Variants in TENM3 observed in about 807,000 individuals in gnomAD.
TENM3 encodes teneurin-3.
In TENM3, 63 loss-of-function variants were observed where a neutral mutation model predicts 255.1. That is an observed-to-expected ratio of 0.25 (90% CI 0.20 to 0.30). TENM3 has a LOEUF of 0.30. TENM3 is among the 10% of genes least tolerant of loss of function. The probability of loss-of-function intolerance (pLI) is 1.00; values close to 1 mark genes in which losing one functional copy is unlikely to be tolerated. For synonymous variants in TENM3, 1,306 were observed against 1,322.3 expected (o/e 0.99, Z 0.27); for missense variants, 2,929 against 3,461.1 (o/e 0.85, Z 3.86).
At chr4:182,721,378 T>C (rs1759718100) in intron 13 of TENM3, among the ~76,000 whole-genome samples, 2 of 152,206 alleles carry the variant, frequency 1.3e-5, no homozygotes, top group Admixed American at 6.5e-5. Flanking sequence ...AAGGACGATA[T>C]CTTAGAGATT....
At chr4:181,710,558 A>G in the TENM3 span, among the ~76,000 whole-genome samples, 6 of 151,968 alleles carry the variant, frequency 3.9e-5, no homozygotes, top group African/African-American at 1.2e-4. Flanking sequence ...TCTACTAAAA[A>G]CGCAAAAATT....
the TENM3 span, among the ~76,000 whole-genome samples, chr4:182,123,746 C>T: frequency 0.095 from 14,437 of 152,156 alleles, 938 homozygotes; most frequent in South Asian, 0.15. Flanking sequence ...ACGAAGTGAG[C>T]ACACGCTGTT....
chr4:181,724,653 T>A, the TENM3 span, among the ~76,000 whole-genome samples: 1 of 152,214 alleles, frequency 6.6e-6, no homozygotes, highest in Non-Finnish European at 1.5e-5. Flanking sequence ...AGTTTTGATC[T>A]CTGTCTTCTA....
the TENM3 span, among the ~76,000 whole-genome samples, chr4:181,643,919 A>C: frequency 1.3e-5 from 2 of 152,000 alleles, no homozygotes; most frequent in Admixed American, 6.6e-5. Context: ...TCTACTAAAA[A>C]TACAAAAATT....
chr4:182,783,933 T>C (rs1360746724), intron 24 of TENM3, among the ~76,000 whole-genome samples: 1 of 152,144 alleles, frequency 6.6e-6, no homozygotes, highest in Non-Finnish European at 1.5e-5. Context: ...TTCTCTGTAT[T>C]GGTTATTCTA....
intron 4 of TENM3, among the ~76,000 whole-genome samples, chr4:182,617,817 G>T (rs1470800252): frequency 6.6e-6 from 1 of 152,192 alleles, no homozygotes; most frequent in Non-Finnish European, 1.5e-5. Flanking sequence ...TAATGTAAAT[G>T]ATTCTCTTTG....
chr4:182,001,650 A>G, the TENM3 span, among the ~76,000 whole-genome samples: 10 of 152,216 alleles, frequency 6.6e-5, no homozygotes, highest in East Asian at 1.9e-3. Flanking sequence ...ATATAATCAC[A>G]CTGGCAGGTA....
the TENM3 span, among the ~76,000 whole-genome samples, chr4:181,675,926 T>A: frequency 6.6e-6 from 1 of 152,098 alleles, no homozygotes; most frequent in Non-Finnish European, 1.5e-5. Flanking sequence ...GGAAATATTT[T>A]ATGCAAAAAA....
At chr4:182,097,506 A>G in the TENM3 span, among the ~76,000 whole-genome samples, 2 of 152,188 alleles carry the variant, frequency 1.3e-5, no homozygotes, top group Non-Finnish European at 2.9e-5. Context: ...ATAGGTCCCT[A>G]TGCAGTGCTT....
the TENM3 span, among the ~76,000 whole-genome samples, chr4:182,059,073 G>A: frequency 7.5e-4 from 114 of 151,840 alleles, no homozygotes; most frequent in Admixed American, 4.3e-3. Flanking sequence ...AAGGAGAGGC[G>A]GATGTGAAGA....
Position 182,208,819 on chromosome 4 carries a change from C to T in TENM3, c.-76+64065C>T, listed in dbSNP as rs190349888. On this transcript the variant is annotated intron_variant, in intron 1 of 2. Coordinates refer to the TENM3 transcript ENST00000512480. ...AGACTCCACCAGAGGTTCTCAGGCT[C>T]ATCTGATCAAACCTGTGCTTGCCTC... Among the ~76,000 whole-genome samples the T allele has an allele frequency of 5.9e-5, 9 of 152,288 alleles. No homozygotes were observed. In the East Asian group the frequency reaches 1.4e-3, roughly 23 times the overall value.
At chr4:181,707,909 A>G in the TENM3 span, among the ~76,000 whole-genome samples, 1 of 152,226 alleles carries the variant, frequency 6.6e-6, no homozygotes, top group East Asian at 1.9e-4. Context: ...AAGATAAATT[A>G]TGGAAAAAAT....
the TENM3 span, among the ~76,000 whole-genome samples, chr4:181,760,489 A>G: frequency 3.9e-5 from 6 of 152,160 alleles, no homozygotes; most frequent in Non-Finnish European, 8.8e-5. Context: ...CACAGAATTA[A>G]TTTTATACCT....
chr4:182,410,588 T>C lies in TENM3; in HGVS notation c.511+63659T>C, dbSNP rs979486768. Among the ~76,000 whole-genome samples, 55 of 152,230 alleles carry C rather than the reference T, an allele frequency of 3.6e-4. 1 individual carries two copies. The highest frequency in any genetic ancestry group is 5.9e-5 in the Non-Finnish European group (4 of 68,044). On this transcript the variant is annotated intron_variant, in intron 3 of 27. Transcript: ENST00000511685. ...TTGGGGCTTTCCAGTTACACCACAT[T>C]GCTGTAATTAATAGGAGTCACTTTT...
chr4:181,915,466 G>C, the TENM3 span, among the ~76,000 whole-genome samples: 1 of 152,068 alleles, frequency 6.6e-6, no homozygotes, highest in Non-Finnish European at 1.5e-5. Context: ...ATGGAGTTTT[G>C]ATAGAAAGAA....
At chr4:182,475,549 A>G (rs13135084) in intron 3 of TENM3, among the ~76,000 whole-genome samples, 31,712 of 152,108 alleles carry the variant, frequency 0.21, 3,642 homozygotes, top group Non-Finnish European at 0.26. Context: ...AAATGCCATA[A>G]TACTAGAGGA....
the TENM3 span, among the ~76,000 whole-genome samples, chr4:181,729,287 A>C: frequency 6.6e-6 from 1 of 152,186 alleles, no homozygotes; most frequent in Non-Finnish European, 1.5e-5. Context: ...GGTTCATTGA[A>C]GCTATGTGGA....
chr4:182,100,596 T>TAC, the TENM3 span, among the ~76,000 whole-genome samples: 1 of 31,834 alleles, frequency 3.1e-5, no homozygotes, highest in Non-Finnish European at 5.9e-5. Flanking sequence ...TACACATATA[T>TAC]ACACATATAT....
At chr4:181,471,435 A>G in the TENM3 span, among the ~76,000 whole-genome samples, 7 of 152,216 alleles carry the variant, frequency 4.6e-5, no homozygotes, top group South Asian at 2.1e-4. Context: ...AACTGGAGCC[A>G]TGTTCTCTTC....
Sources: gnomAD v4.1 joint callset for allele counts (sites outside exome capture counted in the v4.1 genomes callset) on GRCh38, gnomAD v4.1.1 for gene constraint, MANE v1.5 for transcripts, NCBI Gene and HGNC (gene_info 2026-07-23, HGNC 2026-07-21) for gene names.